The following CCDC190 variants were observed in gnomAD, a reference collection of about 807,000 sequenced individuals.
CCDC190 encodes coiled-coil domain containing 190, also known as coiled-coil domain-containing protein 190.
A neutral mutation model predicts 13.1 loss-of-function variants in CCDC190; 10 were observed. That is an observed-to-expected ratio of 0.77 (90% confidence interval 0.47 to 1.30). The LOEUF is 1.30. Among genes scored for constraint, CCDC190 ranks in the 50% most tolerant of loss-of-function variants. The probability of loss-of-function intolerance (pLI) is 0.00; values close to 1 mark genes in which losing one functional copy is unlikely to be tolerated. For missense variants in CCDC190, 375 were observed against 354.3 expected (o/e 1.06, Z -0.47); for synonymous variants, 136 against 127.2 (o/e 1.07, Z -0.47).
upstream of CCDC190, among the ~76,000 whole-genome samples, chr1:162,863,884 TG>T (rs139801405): frequency 0.043 from 6,496 of 151,906 alleles, 347 homozygotes; most frequent in African/African-American, 0.13. Context: ...CTGGGTGTGG[TG>T]GTGGGCACCT....
chr1:162,855,856 G>C, intron 2 of CCDC190, 101 bp from the exon 3 acceptor site: 1 of 1,014,666 alleles, frequency 9.9e-7, no homozygotes, highest in Non-Finnish European at 1.4e-6. Flanking sequence ...GACCTTATTT[G>C]GAGATAAGGT....
At chr1:162,868,732 A>AATTTGGAGAGCCAAGTGAAATACAGGGG (rs1475592017) in exon 1 of CCDC190, 5 of 152,358 alleles carry the variant, frequency 3.3e-5, no homozygotes, top group Non-Finnish European at 4.4e-5. Context: ...GGCTCACTGC[A>AATTTGGAGAGCCAAGTGAAATACAGGGG]TCTCCTAGCA....
Position 162,854,844 on chromosome 1 carries a change from A to G in CCDC190, c.827T>C (p.Phe276Ser), listed in dbSNP as rs753821131. ...GGATGATGAGGATTCCCCATGCCCA[A>G]ATATCTCTCCAATGCTAAGCAACCT... ...SERLLSIGEI[F>S]GHGESSSSRA... The change falls in exon 4 of 4, where the codon TTT (phenylalanine) becomes TCT (serine). Residue 276 changes from phenylalanine to serine, a missense_variant. Phe to Ser is a radical substitution (Grantham distance 155). Coordinates refer to ENST00000367912, the MANE Select transcript of CCDC190 (RefSeq NM_001394065.1). 8 of 1,613,884 alleles carry G rather than the reference A, an allele frequency of 5.0e-6. No homozygotes were observed. In the African/African-American group the frequency reaches 6.7e-5, roughly 13 times the overall value.
chr1:162,861,230 C>T (rs902252029), upstream of CCDC190, among the ~76,000 whole-genome samples: 2 of 152,168 alleles, frequency 1.3e-5, no homozygotes, highest in Non-Finnish European at 2.9e-5. Context: ...ATGCTAGCTC[C>T]TTGGGCCATG....
chr1:162,851,359 C>G lies in CCDC190; in HGVS notation c.*3406G>C, dbSNP rs917163616. ...TCTGGCTGTCATTGGTGAGATAGAG[C>G]TGCTGACATCTGTTTGGACTGGTAC... On this transcript the variant is annotated 3_prime_UTR_variant, in exon 4 of 4. Coordinates refer to ENST00000367912, the MANE Select transcript of CCDC190 (RefSeq NM_001394065.1). 3 of 139,550 alleles carry G rather than the reference C, an allele frequency of 2.1e-5. No homozygotes were observed. The highest frequency in any genetic ancestry group is 8.0e-5 in the Admixed American group (1 of 12,542). 8.6% of individuals were successfully genotyped at this position (139,550 alleles called of 1,614,324 possible).
At chr1:162,859,809 TC>T in intron 1 of CCDC190, 151 bp from the exon 2 acceptor site, 1 of 627,098 alleles carries the variant, frequency 1.6e-6, no homozygotes, top group Non-Finnish European at 2.7e-6. Flanking sequence ...TAAATGAGTT[TC>T]CAGAGTAACA....
At chr1:162,857,519 G>A (rs980386461) in intron 2 of CCDC190, among the ~76,000 whole-genome samples, 1 of 152,214 alleles carries the variant, frequency 6.6e-6, no homozygotes. Flanking sequence ...CTGCAGTACT[G>A]AGCTATTTGA....
intron 2 of CCDC190, among the ~76,000 whole-genome samples, chr1:162,857,392 CTT>C (rs1373049248): frequency 6.6e-6 from 1 of 152,228 alleles, no homozygotes; most frequent in African/African-American, 2.4e-5. Context: ...ACTCTCAACT[CTT>C]TTGCAAGACC....
At position 162,855,770 on chromosome 1, in the gene CCDC190, T is replaced by C; in HGVS notation, c.188-15A>G. The stretch of plus-strand genomic sequence containing the variant: ...CTTCATGGTTTCTGCTTTGAGTTAA[T>C]TAAGAAGTGTTATGAGTTGGATTGT... On this transcript the variant is annotated splice_polypyrimidine_tract_variant and intron_variant, in intron 2 of 3. Transcript: ENST00000367912. The C allele has an allele frequency of 6.4e-7, 1 of 1,570,474 alleles. No homozygotes were observed. The highest frequency in any genetic ancestry group is 8.7e-7 in the Non-Finnish European group (1 of 1,155,274).
intron 2 of CCDC190, among the ~76,000 whole-genome samples, chr1:162,856,401 T>TGG: frequency 6.6e-6 from 1 of 152,320 alleles, no homozygotes; most frequent in East Asian, 1.9e-4. Context: ...AGGTTTCCTT[T>TGG]GAACATTTTA....
Position 162,852,453 on chromosome 1 carries a change from ATTGAG to A in CCDC190, c.*2307_*2311del, listed in dbSNP as rs535455287. 4 of 152,404 alleles carry A rather than the reference ATTGAG, an allele frequency of 2.6e-5. No homozygotes were observed. Among genetic ancestry groups the A allele is most frequent in the Admixed American group, 1.3e-4 (2 of 15,308 alleles). 9.4% of individuals were successfully genotyped at this position (152,404 alleles called of 1,614,324 possible). On this transcript the variant is annotated 3_prime_UTR_variant, in exon 4 of 4. Coordinates refer to ENST00000367912, the MANE Select transcript of CCDC190 (RefSeq NM_001394065.1). ...GTTCCATGCAGCAGCGTTCTCTTTGATTGAGTTAAGTTGTACTAATCAGAGTATTA... is the reference window on the plus strand; with the variant it reads ...GTTCCATGCAGCAGCGTTCTCTTTGATTAAGTTGTACTAATCAGAGTATTA...
intron 3 of CCDC190, 124 bp from the exon 4 acceptor site, chr1:162,855,483 T>G (rs1571039823): frequency 6.9e-7 from 1 of 1,458,416 alleles, no homozygotes; most frequent in Non-Finnish European, 9.2e-7. Context: ...GGGAATGGGG[T>G]GGAGGGTGAA....
At chr1:162,863,639 G>A (rs1650600083), upstream of CCDC190, among the ~76,000 whole-genome samples, 1 of 152,162 alleles carries the variant, frequency 6.6e-6, no homozygotes, top group Non-Finnish European at 1.5e-5. Flanking sequence ...TGAGCAACGA[G>A]GCAGGGGTTC....
In CCDC190 at chr1:162,855,107, T is replaced by C. The variant is rs1228259660; in HGVS notation, c.564A>G (p.Ile188Met). The C allele has an allele frequency of 6.2e-7, 1 of 1,613,892 alleles. No homozygotes were observed. The highest frequency in any genetic ancestry group is 8.5e-7 in the Non-Finnish European group (1 of 1,179,886). The change falls in exon 4 of 4, where the codon ATA (isoleucine) becomes ATG (methionine). Residue 188 changes from isoleucine to methionine, a missense_variant. Coordinates refer to ENST00000367912, the MANE Select transcript of CCDC190 (RefSeq NM_001394065.1). The stretch of plus-strand genomic sequence containing the variant: ...CTGGGCTGGAACTAGGACCTTGTTC[T>C]ATGGTGTTGGTGGAAACCTCTTGAT... ...CQNQEVSTNT[I>M]EQGPSSSPAS...
In CCDC190 at chr1:162,853,297, GT is replaced by G; in HGVS notation, c.*1467del. ...ATGCTAGTCTGCCATCTATTAGCAA[GT>G]TACCACCACTCTTCCCTCTATTTCC... On this transcript the variant is annotated 3_prime_UTR_variant, in exon 4 of 4. Coordinates refer to ENST00000367912, the MANE Select transcript of CCDC190 (RefSeq NM_001394065.1). The G allele has an allele frequency of 1.7e-6, 1 of 592,036 alleles. No homozygotes were observed. 36.7% of individuals were successfully genotyped at this position (592,036 alleles called of 1,614,324 possible).
upstream of CCDC190, among the ~76,000 whole-genome samples, chr1:162,861,419 C>T (rs1265379200): frequency 6.6e-6 from 1 of 151,100 alleles, no homozygotes; most frequent in African/African-American, 2.4e-5. Flanking sequence ...CTCTCCTACC[C>T]TTTCCTCGTT....
Position 162,852,954 on chromosome 1 carries a change from G to C in CCDC190, c.*1811C>G, listed in dbSNP as rs745763863. The C allele has an allele frequency of 2.4e-5, 15 of 632,324 alleles. No individual in the cohort carries two copies. The highest frequency in any genetic ancestry group is 4.3e-5 in the Non-Finnish European group (15 of 352,098). 39.2% of individuals were successfully genotyped at this position (632,324 alleles called of 1,614,324 possible). ...AAAGAGCTTGCGCAGTTTACAAAGG[G>C]GTTCTCTAATTGTTGTATGCCTATT... is the stretch of plus-strand genomic sequence containing the variant. On this transcript the variant is annotated 3_prime_UTR_variant, in exon 4 of 4. Coordinates refer to ENST00000367912, the MANE Select transcript of CCDC190 (RefSeq NM_001394065.1).
chr1:162,858,686 A>G (rs1200797312), intron 2 of CCDC190, among the ~76,000 whole-genome samples: 2 of 152,234 alleles, frequency 1.3e-5, no homozygotes, highest in Non-Finnish European at 2.9e-5. Context: ...GTAGTCTTCA[A>G]GAGCTGAGAT....
At chr1:162,861,345 C>T (rs1429475117), upstream of CCDC190, among the ~76,000 whole-genome samples, 3 of 152,142 alleles carry the variant, frequency 2.0e-5, no homozygotes, top group African/African-American at 2.4e-5. Context: ...TGCTCCTTCT[C>T]GGCTGTGTCC....
Sources: allele counts gnomAD v4.1 joint callset (sites outside exome capture counted in the v4.1 genomes callset), GRCh38; gene constraint gnomAD v4.1.1; transcripts MANE v1.5; gene names NCBI Gene and HGNC (gene_info 2026-07-23, HGNC 2026-07-21).